The following TLE2 variants were observed in gnomAD, a reference collection of about 807,000 sequenced individuals.
TLE2 encodes the protein transducin-like enhancer protein 2.
A neutral mutation model predicts 97.2 loss-of-function variants in TLE2; 74 were observed. That is an observed-to-expected ratio of 0.76 (90% confidence interval 0.63 to 0.92). The LOEUF is 0.92. Among genes scored for constraint, TLE2 ranks in the 40% least tolerant of loss-of-function variants. The pLI is 0.00. For synonymous variants in TLE2, 499 were observed against 432.1 expected (o/e 1.15, Z -1.92); for missense variants, 1,038 against 1,008.7 (o/e 1.03, Z -0.39).
At chr19:3,043,728 T>A (rs2145237531) in intron 1 of TLE2, among the ~76,000 whole-genome samples, 1 of 151,560 alleles carries the variant, frequency 6.6e-6, no homozygotes, top group African/African-American at 2.4e-5. Flanking sequence ...GAGAATGGCG[T>A]GAACCCGGGA....
In TLE2 at chr19:3,019,575, G is replaced by C; in HGVS notation, c.370-112C>G. On this transcript the variant is annotated intron_variant, in intron 6 of 19. Coordinates refer to ENST00000262953, the MANE Select transcript of TLE2 (RefSeq NM_003260.5). This position sits in a 1 kb window ranked among gnomAD's most constrained non-coding sequence, Gnocchi z 5.1. ...GACCTAAGCACAGCATGTGCCCCTG[G>C]GGTTCCCAGGACCACTGGAGCCAAG... The C allele has an allele frequency of 6.7e-7, 1 of 1,503,676 alleles. No individual in the cohort carries two copies. The highest frequency in any genetic ancestry group is 8.9e-7 in the Non-Finnish European group (1 of 1,121,812). The allele number at this position is 1,503,676 out of a possible 1,614,324, so 93.1% of individuals were successfully genotyped here. A position where few individuals can be genotyped will look rare whatever the true frequency, so the allele number is the denominator to read the frequency against.
chr19:3,041,391 C>T (rs1339510023), intron 1 of TLE2, among the ~76,000 whole-genome samples: 1 of 152,164 alleles, frequency 6.6e-6, no homozygotes, highest in Non-Finnish European at 1.5e-5. Flanking sequence ...GAATTATGGG[C>T]TGAGAGCTTG....
At position 3,019,672 on chromosome 19, in the gene TLE2, G is replaced by A. The variant is rs367596994; in HGVS notation, c.369+27C>T. 8 of 1,600,282 alleles carry A rather than the reference G, an allele frequency of 5.0e-6. No homozygotes were observed. In the African/African-American group the frequency reaches 1.1e-4, roughly 21 times the overall value. Reference sequence around the variant, plus strand: ...GACCTGGGAGTGGGCGTCTCCCCATGGCGGGGCAGGGGCTAGAGAGACTCA... The same window carrying A: ...GACCTGGGAGTGGGCGTCTCCCCATAGCGGGGCAGGGGCTAGAGAGACTCA... On this transcript the variant is annotated intron_variant, in intron 6 of 19. Transcript: ENST00000262953. This position sits in a 1 kb window ranked among gnomAD's most constrained non-coding sequence, Gnocchi z 5.1.
chr19:3,018,317 T>C (rs1394421846), intron 7 of TLE2, among the ~76,000 whole-genome samples: 3 of 151,744 alleles, frequency 2.0e-5, no homozygotes, highest in Admixed American at 6.6e-5. Flanking sequence ...TATTTATTTA[T>C]TTATGAATGA....
intron 19 of TLE2, among the ~76,000 whole-genome samples, chr19:3,000,233 G>A (rs2089325438): frequency 6.7e-6 from 1 of 150,278 alleles, no homozygotes; most frequent in Non-Finnish European, 1.5e-5. Flanking sequence ...CACCACGCCT[G>A]GCTAATTTTT....
Position 3,019,994 on chromosome 19 carries a change from C to G in TLE2, c.295-221G>C, listed in dbSNP as rs181685466. Reference sequence around the variant, plus strand: ...AACCTAAGTGCAGGTAGAATAGTTACAAATCAGGCCGGGCATGGTGGCTCA... The same window carrying G: ...AACCTAAGTGCAGGTAGAATAGTTAGAAATCAGGCCGGGCATGGTGGCTCA... On this transcript the variant is annotated intron_variant, in intron 5 of 19. Coordinates refer to ENST00000262953, the MANE Select transcript of TLE2 (RefSeq NM_003260.5). This position sits in a 1 kb window ranked among gnomAD's most constrained non-coding sequence, Gnocchi z 5.1. The G allele has an allele frequency of 1.6e-6, 1 of 637,944 alleles. No homozygotes were observed. The allele number at this position is 637,944 out of a possible 1,614,324, so 39.5% of individuals were successfully genotyped here.
At chr19:3,006,053 G>A in intron 15 of TLE2, 85 bp from the exon 16 acceptor site, 1 of 1,473,250 alleles carries the variant, frequency 6.8e-7, no homozygotes, top group Non-Finnish European at 9.5e-7. Context: ...GGTCTCTGGA[G>A]CCCAATGTAG....
intron 14 of TLE2, 32 bp downstream of exon 14, chr19:3,008,837 C>A: frequency 6.7e-7 from 1 of 1,500,852 alleles, no homozygotes; most frequent in South Asian, 1.3e-5. Context: ...TGGCCCGGGA[C>A]CCCAGGCAGG....
intron 19 of TLE2, among the ~76,000 whole-genome samples, chr19:2,999,024 G>A (rs777622106): frequency 2.0e-5 from 3 of 152,150 alleles, no homozygotes; most frequent in Non-Finnish European, 4.4e-5. Flanking sequence ...GGGTTGGCAC[G>A]GTGGCTCGGC....
At chr19:3,044,415 G>A (rs2090127225) in intron 1 of TLE2, among the ~76,000 whole-genome samples, 1 of 152,058 alleles carries the variant, frequency 6.6e-6, no homozygotes, top group East Asian at 1.9e-4. Context: ...CATCTCACTG[G>A]CTTCTCTGCC....
intron 5 of TLE2, 25 bp downstream of exon 5, chr19:3,024,995 T>TCCCCCCCCCCCCC: frequency 1.3e-6 from 1 of 790,220 alleles, no homozygotes; most frequent in South Asian, 1.5e-5. Flanking sequence ...CTTCCCCTCC[T>TCCCCCCCCCCCCC]CCCCCCACCC....
At chr19:3,013,011 A>C (rs1367210710) in intron 11 of TLE2, among the ~76,000 whole-genome samples, 1 of 152,044 alleles carries the variant, frequency 6.6e-6, no homozygotes, top group Non-Finnish European at 1.5e-5. Flanking sequence ...GGGAGCCCCA[A>C]CCTCTGGCGG....
chr19:3,024,460 C>A (rs1317648076), intron 5 of TLE2, among the ~76,000 whole-genome samples: 1 of 151,866 alleles, frequency 6.6e-6, no homozygotes, highest in East Asian at 1.9e-4. Context: ...CCCGTCCCCT[C>A]CCCAACCCCT....
At position 3,028,342 on chromosome 19, in the gene TLE2, C is replaced by T. The variant is rs779253245; in HGVS notation, c.163G>A (p.Glu55Lys). Residue 55 changes from glutamate to lysine, a missense_variant, in exon 3 of 20, where the codon GAA (glutamate) becomes AAA (lysine). Transcript: ENST00000262953. Reference sequence around the variant, plus strand: ...ACCATGACATAATGTCGCTGCATTTCCGTCTTCTCGCTGGCCAGCTTCTCA... The same window carrying T: ...ACCATGACATAATGTCGCTGCATTTTCGTCTTCTCGCTGGCCAGCTTCTCA... ...ECEKLASEKTEMQRHYVMYYE... is the reference protein window; with the variant it reads ...ECEKLASEKTKMQRHYVMYYE... 4.3e-6 allele frequency: 7 copies of T among 1,609,952 alleles called. No individual in the cohort carries two copies. The highest frequency in any genetic ancestry group is 1.1e-5 in the South Asian group (1 of 90,256).
At chr19:3,020,982 G>A (rs562582198) in intron 5 of TLE2, among the ~76,000 whole-genome samples, 8 of 150,590 alleles carry the variant, frequency 5.3e-5, no homozygotes, top group South Asian at 2.1e-4. Flanking sequence ...CCAGCTACTC[G>A]TGAGGCTGAC....
Position 3,019,535 on chromosome 19 carries a change from AG to A in TLE2, c.370-73del. 7 of 1,482,896 alleles carry A rather than the reference AG, an allele frequency of 4.7e-6. No homozygotes were observed. Among genetic ancestry groups the A allele is most frequent in the Non-Finnish European group, 6.3e-6 (7 of 1,116,588 alleles). The allele number at this position is 1,482,896 out of a possible 1,614,324, so 91.9% of individuals were successfully genotyped here. A position where few individuals can be genotyped will look rare whatever the true frequency, so the allele number is the denominator to read the frequency against. On this transcript the variant is annotated intron_variant, in intron 6 of 19. Transcript: ENST00000262953. The surrounding 1 kb of genome is among the most constrained non-coding windows in gnomAD (Gnocchi z 5.1). Reference sequence around the variant, plus strand: ...CCCAGCGGTCCCCAGCCCAAGAGGTAGACACAGGGGATGGGACCTAAGCACA... The same window carrying A: ...CCCAGCGGTCCCCAGCCCAAGAGGTAACACAGGGGATGGGACCTAAGCACA...
rs189361109 is a variant in TLE2 at position 3,043,519 on chromosome 19, C to G, written c.63+2207G>C. Among the ~76,000 whole-genome samples, 7 of 152,036 alleles carry G rather than the reference C, an allele frequency of 4.6e-5. No homozygotes were observed. In the East Asian group the frequency reaches 9.7e-4, roughly 21 times the overall value. On this transcript the variant is annotated intron_variant, in intron 1 of 18. Coordinates refer to the TLE2 transcript ENST00000426948. Reference sequence around the variant, plus strand: ...AATATCAGAAAACATCTACCTGGGACCTGCATCATGGGTCGCACCTGTAAT... The same window carrying G: ...AATATCAGAAAACATCTACCTGGGAGCTGCATCATGGGTCGCACCTGTAAT...
chr19:3,012,379 C>A (rs1407209220), intron 11 of TLE2, among the ~76,000 whole-genome samples: 1 of 152,192 alleles, frequency 6.6e-6, no homozygotes, highest in Non-Finnish European at 1.5e-5. Flanking sequence ...CCATGCCCGG[C>A]TAACTTTTTA....
At chr19:3,027,599 G>A (rs1404297112) in intron 4 of TLE2, among the ~76,000 whole-genome samples, 4 of 152,128 alleles carry the variant, frequency 2.6e-5, no homozygotes, top group Admixed American at 2.0e-4. Flanking sequence ...TCTGCTGGAC[G>A]CTCCAACTGC....
Sources: gnomAD v4.1 joint callset for allele counts (sites outside exome capture counted in the v4.1 genomes callset) on GRCh38, gnomAD v4.1.1 for gene constraint, Gnocchi (gnomAD v3.1) non-coding constraint, MANE v1.5 for transcripts, NCBI Gene and HGNC (gene_info 2026-07-23, HGNC 2026-07-21) for gene names.